GOLGA1: variants seen among roughly 807,000 people sequenced by gnomAD.
GOLGA1 encodes the protein golgin A1, also known as golgin subfamily A member 1.
A neutral mutation model predicts 119.7 loss-of-function variants in GOLGA1; 63 were observed. The ratio of observed to expected loss-of-function variants is 0.53; its 90% confidence interval spans 0.43 to 0.65. The LOEUF (loss-of-function observed/expected upper bound fraction) is 0.65. GOLGA1 is among the 30% of genes least tolerant of loss of function. The pLI is 0.00. For missense variants in GOLGA1, 798 were observed against 912.8 expected (o/e 0.87, Z 1.62); for synonymous variants, 318 against 333.4 (o/e 0.95, Z 0.50).
At chr9:124,918,713 G>A (rs897800593) in intron 10 of GOLGA1, among the ~76,000 whole-genome samples, 37 of 152,038 alleles carry the variant, frequency 2.4e-4, no homozygotes, top group African/African-American at 8.2e-4. Flanking sequence ...CCAAGATCAC[G>A]CCATTGCACT....
intron 1 of GOLGA1, chr9:124,947,762 A>C (rs1193109722): frequency 6.6e-6 from 1 of 152,238 alleles, no homozygotes; most frequent in East Asian, 1.9e-4. Flanking sequence ...CCCTCAAGGT[A>C]AATACCCTCT....
At position 124,884,018 on chromosome 9, in the gene GOLGA1, T is replaced by A. The variant is rs552220585; in HGVS notation, c.1906-1449A>T. ...ACTTCATAATATAGGGAAAAAAAAT[T>A]TTTTTTTTTTTGAGACGGAGTCTTA... On this transcript the variant is annotated intron_variant, in intron 19 of 22. Coordinates refer to ENST00000373555, the MANE Select transcript of GOLGA1 (RefSeq NM_002077.4). Among the ~76,000 whole-genome samples the A allele has an allele frequency of 6.7e-5, 10 of 148,874 alleles. No homozygotes were observed. In the South Asian group the frequency reaches 2.1e-3, roughly 32 times the overall value.
chr9:124,912,105 T>A, intron 10 of GOLGA1, 79 bp from the exon 11 acceptor site: 2 of 1,306,576 alleles, frequency 1.5e-6, no homozygotes, highest in Non-Finnish European at 2.2e-6. Flanking sequence ...GCCATCACAT[T>A]TTCCTGCAAC....
intron 19 of GOLGA1, among the ~76,000 whole-genome samples, chr9:124,884,863 C>T (rs569688781): frequency 5.3e-5 from 8 of 152,192 alleles, no homozygotes; most frequent in South Asian, 2.1e-4. Flanking sequence ...GCTGGAGAAA[C>T]GGCAACAAAA....
chr9:124,920,688 CA>C (rs1300742120), intron 10 of GOLGA1, among the ~76,000 whole-genome samples: 1 of 151,958 alleles, frequency 6.6e-6, no homozygotes. Flanking sequence ...GTAATCTCAG[CA>C]CTTTGGGAGG....
intron 3 of GOLGA1, among the ~76,000 whole-genome samples, chr9:124,933,151 A>G (rs1830803943): frequency 6.6e-6 from 1 of 152,218 alleles, no homozygotes; most frequent in African/African-American, 2.4e-5. Flanking sequence ...CAGCAGCAGC[A>G]GCAACAGAAG....
intron 12 of GOLGA1, among the ~76,000 whole-genome samples, chr9:124,900,917 G>A (rs2131412800): frequency 6.6e-6 from 1 of 151,550 alleles, no homozygotes; most frequent in African/African-American, 2.4e-5. Context: ...GCCTACTTAG[G>A]CTTTCTGTTT....
In GOLGA1 at chr9:124,881,041, C is replaced by T. The variant is rs1829567291; in HGVS notation, c.2223+130G>A. On this transcript the variant is annotated intron_variant, in intron 22 of 22. Transcript: ENST00000373555. The surrounding 1 kb of genome is among the most constrained non-coding windows in gnomAD (Gnocchi z 4.9). ...TGCTTGGATCAAGTTCATCCAAAAGCAGCCAAGCTGATCATGCAGCTGTGC... is the reference window on the plus strand; with the variant it reads ...TGCTTGGATCAAGTTCATCCAAAAGTAGCCAAGCTGATCATGCAGCTGTGC... 5.8e-6 allele frequency: 4 copies of T among 689,240 alleles called. No individual in the cohort carries two copies. The East Asian group carries it at 7.6e-5, about 13-fold the overall frequency. The allele number at this position is 689,240 out of a possible 1,614,324, so 42.7% of individuals were successfully genotyped here. A position where few individuals can be genotyped will look rare whatever the true frequency, so the allele number is the denominator to read the frequency against.
In GOLGA1 at chr9:124,928,217, G is replaced by A; in HGVS notation, c.370C>T (p.Leu124=). 6.3e-6 allele frequency: 10 copies of A among 1,598,734 alleles called. No homozygotes were observed. Among genetic ancestry groups the A allele is most frequent in the Non-Finnish European group, 8.6e-6 (10 of 1,166,754 alleles). The change falls in exon 6 of 23, where the codon CTG becomes TTG. Residue 124 remains leucine, a synonymous_variant. Coordinates refer to ENST00000373555, the MANE Select transcript of GOLGA1 (RefSeq NM_002077.4). ...TCCTTTCTGGCTAATGCCAAAGCCAGTCCTTCTGCCATTTTGGCTCTGTTG... is the reference window on the plus strand; with the variant it reads ...TCCTTTCTGGCTAATGCCAAAGCCAATCCTTCTGCCATTTTGGCTCTGTTG... ...QANRAKMAEG[L]ALALARKDQE... is the part of the protein sequence containing the mutation.
intron 10 of GOLGA1, among the ~76,000 whole-genome samples, chr9:124,915,009 C>T (rs879640724): frequency 3.7e-4 from 57 of 152,216 alleles, no homozygotes; most frequent in Non-Finnish European, 7.3e-4. Context: ...CTCTACACCT[C>T]ATGTGGACTA....
At position 124,899,316 on chromosome 9, in the gene GOLGA1, G is replaced by A. The variant is rs781157649; in HGVS notation, c.1311+13C>T. ...GTGCTCCTGGGCCCACCCTCTCTTA[G>A]CTCTTCACTCACCATCCCTTGCTCT... On this transcript the variant is annotated intron_variant, in intron 14 of 22. Coordinates refer to ENST00000373555, the MANE Select transcript of GOLGA1 (RefSeq NM_002077.4). 1.9e-5 allele frequency: 30 copies of A among 1,540,566 alleles called. No homozygotes were observed. Among genetic ancestry groups the A allele is most frequent in the Non-Finnish European group, 2.5e-5 (29 of 1,140,438 alleles).
intron 7 of GOLGA1, among the ~76,000 whole-genome samples, chr9:124,926,330 G>C (rs1200112942): frequency 2.6e-5 from 4 of 152,180 alleles, no homozygotes; most frequent in African/African-American, 9.7e-5. Flanking sequence ...GAGCCCACAT[G>C]GAGAAAGGTG....
At chr9:124,898,189 A>G (rs935043619) in intron 15 of GOLGA1, among the ~76,000 whole-genome samples, 7 of 152,302 alleles carry the variant, frequency 4.6e-5, no homozygotes, top group African/African-American at 9.6e-5. Flanking sequence ...TATCAGCAAG[A>G]GCAGTGTTTT....
intron 12 of GOLGA1, among the ~76,000 whole-genome samples, chr9:124,903,465 G>A (rs1375388109): frequency 2.7e-5 from 4 of 150,716 alleles, no homozygotes; most frequent in African/African-American, 9.8e-5. Context: ...GCAACAGAGC[G>A]AGATTTTGTC....
chr9:124,941,114 C>A (rs560150779), upstream of GOLGA1: 5 of 144,274 alleles, frequency 3.5e-5, no homozygotes, highest in African/African-American at 1.0e-4. Flanking sequence ...GAAGTGACTG[C>A]GCGGTGGGGG....
chr9:124,912,054 T>C (rs947997665), intron 10 of GOLGA1, 28 bp from the exon 11 acceptor site: 5 of 1,603,514 alleles, frequency 3.1e-6, no homozygotes, highest in Middle Eastern at 1.7e-4. Flanking sequence ...GATCACTCTA[T>C]ACTAGAAGCC....
intron 20 of GOLGA1, 95 bp downstream of exon 20, chr9:124,882,415 G>A (rs1193652266): frequency 2.3e-6 from 2 of 853,666 alleles, no homozygotes; most frequent in Admixed American, 2.0e-5. Flanking sequence ...GGGGTGGAGG[G>A]AGCATAGTCA....
intron 12 of GOLGA1, among the ~76,000 whole-genome samples, chr9:124,908,078 C>A (rs1368226239): frequency 1.3e-5 from 2 of 152,156 alleles, no homozygotes; most frequent in Non-Finnish European, 2.9e-5. Flanking sequence ...AAATTAAAAA[C>A]CCAGTGCTAC....
chr9:124,925,210 C>A (rs943267638), intron 7 of GOLGA1, among the ~76,000 whole-genome samples: 1 of 151,862 alleles, frequency 6.6e-6, no homozygotes, highest in African/African-American at 2.4e-5. Flanking sequence ...ATATGGATAC[C>A]CTTTACCAAA....
Sources: gnomAD v4.1 joint callset for allele counts (sites outside exome capture counted in the v4.1 genomes callset) on GRCh38, gnomAD v4.1.1 for gene constraint, Gnocchi (gnomAD v3.1) non-coding constraint, MANE v1.5 for transcripts, NCBI Gene and HGNC (gene_info 2026-07-23, HGNC 2026-07-21) for gene names.